MYO1H: variants seen among roughly 807,000 people sequenced by gnomAD.
The protein encoded by MYO1H is unconventional myosin-Ih.
A neutral mutation model predicts 149.3 loss-of-function variants in MYO1H; 118 were observed. The observed-to-expected ratio is 0.79, with a 90% CI of 0.68 to 0.92. The LOEUF (loss-of-function observed/expected upper bound fraction) is 0.92. MYO1H is among the 40% of genes least tolerant of loss of function. The pLI is 0.00. For synonymous variants in MYO1H, 447 were observed against 465.2 expected, an observed-to-expected ratio of 0.96 and a Z score of 0.50; for missense variants, 1,212 against 1,280.7, an observed-to-expected ratio of 0.95 and a Z score of 0.82.
the MYO1H span, among the ~76,000 whole-genome samples, chr12:109,320,455 C>CAAA: frequency 8.6e-3 from 543 of 63,268 alleles, 27 homozygotes; most frequent in African/African-American, 0.026. Flanking sequence ...ATTAAAAATA[C>CAAA]AAAAAAAAAA....
intron 1 of MYO1H, among the ~76,000 whole-genome samples, chr12:109,365,187 G>A (rs1287229405): frequency 6.6e-6 from 1 of 152,078 alleles, no homozygotes; most frequent in African/African-American, 2.4e-5. Context: ...GAGGCAGGAG[G>A]ATCACTTGAA....
intron 19 of MYO1H, among the ~76,000 whole-genome samples, chr12:109,428,697 T>A (rs1871485650): frequency 6.6e-6 from 1 of 152,182 alleles, no homozygotes; most frequent in Non-Finnish European, 1.5e-5. Context: ...TGGATGTACC[T>A]CCTTTGCCCA....
chr12:109,318,972 G>GTTTTTTTTTTTTTTTTTTTTTT, the MYO1H span, among the ~76,000 whole-genome samples: 9 of 77,264 alleles, frequency 1.2e-4, no homozygotes, highest in East Asian at 2.1e-3. Context: ...TTTTGGTTTT[G>GTTTTTTTTTTTTTTTTTTTTTT]TTTTTTTTTT....
intron 5 of MYO1H, 115 bp from the exon 6 acceptor site, chr12:109,400,978 A>G: frequency 1.1e-6 from 1 of 885,134 alleles, no homozygotes; most frequent in Non-Finnish European, 1.7e-6. Context: ...AAAAAAAGAA[A>G]GAAGATTGAT....
intron 19 of MYO1H, among the ~76,000 whole-genome samples, chr12:109,431,781 T>C (rs1242911656): frequency 6.6e-6 from 1 of 152,070 alleles, no homozygotes; most frequent in Non-Finnish European, 1.5e-5. Flanking sequence ...GAGCCAAAAT[T>C]ACCCCTGGGG....
chr12:109,417,306 A>G (rs61934479), intron 15 of MYO1H, among the ~76,000 whole-genome samples: 39,849 of 152,170 alleles, frequency 0.26, 5,399 homozygotes, highest in East Asian at 0.35. Context: ...AGCCTCAGCC[A>G]CACTTGCGTT....
chr12:109,352,554 T>C (rs1379920150), intron 1 of MYO1H, among the ~76,000 whole-genome samples: 1 of 152,224 alleles, frequency 6.6e-6, no homozygotes, highest in Non-Finnish European at 1.5e-5. Flanking sequence ...GTTATAGACA[T>C]CTCTTGAGCC....
chr12:109,423,011 G>A (rs758823048), intron 16 of MYO1H, among the ~76,000 whole-genome samples: 11 of 152,092 alleles, frequency 7.2e-5, no homozygotes, highest in South Asian at 2.1e-4. Flanking sequence ...GAGCCCAGGA[G>A]GTGGAGGTTG....
chr12:109,406,416 T>C (rs1870386730), intron 8 of MYO1H, among the ~76,000 whole-genome samples: 1 of 136,718 alleles, frequency 7.3e-6, no homozygotes, highest in Non-Finnish European at 1.5e-5. Flanking sequence ...CAGTGAGCCA[T>C]GATCATGCCA....
At chr12:109,447,920 T>C (rs563977374) in exon 32 of MYO1H, 2 of 152,412 alleles carry the variant, frequency 1.3e-5, no homozygotes, top group South Asian at 4.1e-4. Context: ...AGCACACAAA[T>C]GGACAATAAA....
chr12:109,353,686 C>G (rs1283828550), intron 1 of MYO1H, among the ~76,000 whole-genome samples: 2 of 152,138 alleles, frequency 1.3e-5, no homozygotes, highest in Non-Finnish European at 2.9e-5. Context: ...CAGTCTTGCT[C>G]TGTCACCCAG....
Position 109,443,761 on chromosome 12 carries a change from G to A in MYO1H, c.2824+112G>A, listed in dbSNP as rs182056991. 6,218 of 1,237,818 alleles carry A rather than the reference G, an allele frequency of 5.0e-3. 29 individuals carry two copies. Among genetic ancestry groups the A allele is most frequent in the South Asian group, 6.5e-3 (456 of 69,762 alleles). 76.7% of individuals were successfully genotyped at this position (1,237,818 alleles called of 1,614,324 possible). ...CAAGTGTAGGGTGCCCATAAACCCC[G>A]GGGTAGTGATGCACACCTGTAGTCT... is the stretch of plus-strand genomic sequence containing the variant. On this transcript the variant is annotated intron_variant, in intron 28 of 31. Coordinates refer to ENST00000310903, the Ensembl canonical transcript of MYO1H.
intron 9 of MYO1H, 83 bp from the exon 10 acceptor site, chr12:109,407,706 ATTTTT>A (rs200288707): frequency 8.0e-6 from 10 of 1,256,620 alleles, no homozygotes; most frequent in Non-Finnish European, 8.5e-6. Context: ...TCATTATTTT[ATTTTT>A]TTTTTAAGAA....
chr12:109,402,562 A>G (rs11066498), intron 6 of MYO1H, among the ~76,000 whole-genome samples: 77,743 of 152,048 alleles, frequency 0.51, 20,842 homozygotes, highest in African/African-American at 0.66. Flanking sequence ...GAGTCCAGGA[A>G]TTTAAGACCG....
At chr12:109,343,610 A>C (rs16940122), upstream of MYO1H, among the ~76,000 whole-genome samples, 17,417 of 152,232 alleles carry the variant, frequency 0.11, 1,086 homozygotes, top group Middle Eastern at 0.16. Context: ...ATACTTTAAC[A>C]GAATCGAACG....
the MYO1H span, among the ~76,000 whole-genome samples, chr12:109,324,798 C>A: frequency 6.6e-6 from 1 of 151,902 alleles, no homozygotes; most frequent in African/African-American, 2.4e-5. Context: ...TGGTTTGCTG[C>A]ACCATCCAAC....
At chr12:109,324,346 T>A in the MYO1H span, among the ~76,000 whole-genome samples, 1 of 152,204 alleles carries the variant, frequency 6.6e-6, no homozygotes, top group Non-Finnish European at 1.5e-5. Context: ...TGGTTACAAG[T>A]AAGTCACAAG....
At chr12:109,395,048 G>A (rs1390668100) in intron 3 of MYO1H, among the ~76,000 whole-genome samples, 1 of 152,194 alleles carries the variant, frequency 6.6e-6, no homozygotes, top group African/African-American at 2.4e-5. Flanking sequence ...CAGGGTGTGA[G>A]CCACCATGCC....
chr12:109,317,969 G>A, the MYO1H span, among the ~76,000 whole-genome samples: 14 of 152,208 alleles, frequency 9.2e-5, no homozygotes, highest in Non-Finnish European at 1.5e-4. Context: ...AGCCTTTGTC[G>A]TCATGGTTAT....
Sources: gnomAD v4.1 joint callset for allele counts (sites outside exome capture counted in the v4.1 genomes callset) on GRCh38, gnomAD v4.1.1 for gene constraint, MANE v1.5 for transcripts, NCBI Gene and HGNC (gene_info 2026-07-23, HGNC 2026-07-21) for gene names.